The following ANGPTL2 variants were observed in gnomAD, a reference collection of about 807,000 sequenced individuals.
ANGPTL2 encodes angiopoietin like 2.
In ANGPTL2, 25 loss-of-function variants were observed where a neutral mutation model predicts 52.8. The observed-to-expected ratio is 0.47, with a 90% confidence interval of 0.35 to 0.66. The LOEUF is 0.66. ANGPTL2 is among the 30% of genes least tolerant of loss of function. The pLI, the probability that ANGPTL2 is intolerant of heterozygous loss-of-function variation, is 0.01. For synonymous variants in ANGPTL2, 276 were observed against 277.4 expected, an observed-to-expected ratio of 1.00 and a Z score of 0.05; for missense variants, 546 against 656.9, an observed-to-expected ratio of 0.83 and a Z score of 1.84.
chr9:127,115,955 G>A (rs1434649963), intron 1 of ANGPTL2, among the ~76,000 whole-genome samples: 2 of 152,186 alleles, frequency 1.3e-5, no homozygotes, highest in Non-Finnish European at 2.9e-5. Context: ...TCCTGGCTGA[G>A]GATGCTATGA....
At chr9:127,107,813 G>A in intron 2 of ANGPTL2, 102 bp downstream of exon 2, 23 of 1,244,384 alleles carry the variant, frequency 1.8e-5, no homozygotes, top group Non-Finnish European at 1.1e-6. Flanking sequence ...CTTTGGCCTG[G>A]CTTCAACTGG....
intron 1 of ANGPTL2, among the ~76,000 whole-genome samples, chr9:127,119,576 C>T (rs1039350600): frequency 2.6e-5 from 4 of 152,206 alleles, no homozygotes; most frequent in Admixed American, 2.6e-4. Context: ...GATGCTAAAA[C>T]TAGAACCTAC....
At chr9:127,103,220 C>A (rs767872282) in intron 2 of ANGPTL2, among the ~76,000 whole-genome samples, 5 of 152,222 alleles carry the variant, frequency 3.3e-5, no homozygotes, top group Admixed American at 6.5e-5. Context: ...GTATTTCCTA[C>A]CTTATAGGGT....
chr9:127,095,753 T>C (rs2136585649), intron 2 of ANGPTL2, among the ~76,000 whole-genome samples: 1 of 152,354 alleles, frequency 6.6e-6, no homozygotes, highest in South Asian at 2.1e-4. Flanking sequence ...GGCTGGTGTT[T>C]GGGCTCAACT....
Position 127,108,116 on chromosome 9 carries a change from T to G in ANGPTL2, c.616A>C (p.Arg206=). Residue 206 remains arginine (R), a synonymous_variant, in exon 2 of 5, where the codon AGG becomes CGG. Coordinates refer to ENST00000373425, the MANE Select transcript of ANGPTL2 (RefSeq NM_012098.3). ...GGGACGGGCCTGGCCGAGGGCACCC[T>G]CTGGCAGTGCTCCTCAAGCTGCGCG... ...IIAQLEEHCQ[R]VPSARPVPQP... 10 of 1,613,650 alleles carry G rather than the reference T, an allele frequency of 6.2e-6. No homozygotes were observed. The highest frequency in any genetic ancestry group is 8.5e-6 in the Non-Finnish European group (10 of 1,179,774).
chr9:127,106,483 C>T (rs992605635), intron 2 of ANGPTL2, among the ~76,000 whole-genome samples: 7 of 152,210 alleles, frequency 4.6e-5, no homozygotes, highest in African/African-American at 9.6e-5. Flanking sequence ...TGCAGTATTT[C>T]GTTTCCTAAA....
chr9:127,091,193 C>T lies in ANGPTL2; in HGVS notation c.1282+477G>A, dbSNP rs961848842. Among the ~76,000 whole-genome samples the T allele has an allele frequency of 4.6e-5, 7 of 152,224 alleles. No individual in the cohort carries two copies. The highest frequency in any genetic ancestry group is 1.2e-4 in the African/African-American group (5 of 41,466). ...CCCTACTCTGCAATGTAGTTCTTGT[C>T]CTTACTTCCAGATGCAGAAACTGAG... On this transcript the variant is annotated intron_variant, in intron 4 of 4. Coordinates refer to ENST00000373425, the MANE Select transcript of ANGPTL2 (RefSeq NM_012098.3). The surrounding 1 kb of genome is among the most constrained non-coding windows in gnomAD (Gnocchi z 4.3).
At chr9:127,101,218 T>C (rs1264536117) in intron 2 of ANGPTL2, among the ~76,000 whole-genome samples, 1 of 152,262 alleles carries the variant, frequency 6.6e-6, no homozygotes, top group Non-Finnish European at 1.5e-5. Context: ...TCACCTGCCA[T>C]GTGCTTTGCA....
intron 1 of ANGPTL2, among the ~76,000 whole-genome samples, chr9:127,111,484 C>T (rs1047196637): frequency 6.6e-6 from 1 of 152,212 alleles, no homozygotes; most frequent in African/African-American, 2.4e-5. Flanking sequence ...TGACAAGACA[C>T]ACCTGCCAAC....
chr9:127,102,670 G>T (rs1423144027), intron 2 of ANGPTL2, among the ~76,000 whole-genome samples: 1 of 152,154 alleles, frequency 6.6e-6, no homozygotes, highest in Non-Finnish European at 1.5e-5. Flanking sequence ...TTTGTGATCA[G>T]TTCCCCAAGG....
At position 127,091,045 on chromosome 9, in the gene ANGPTL2, C is replaced by T. The variant is rs2052409081; in HGVS notation, c.1282+625G>A. Among the ~76,000 whole-genome samples, 1 of 152,256 alleles carries T rather than the reference C, an allele frequency of 6.6e-6. No individual in the cohort carries two copies. Among genetic ancestry groups the T allele is most frequent in the African/African-American group, 2.4e-5 (1 of 41,468 alleles). On this transcript the variant is annotated intron_variant, in intron 4 of 4. Transcript: ENST00000373425. The surrounding 1 kb of genome is among the most constrained non-coding windows in gnomAD (Gnocchi z 4.3). ...TCTGCTTTCCTCTTAATAGCTTCCT[C>T]TCAGCACTGCACTAGCATTACATGC...
intron 4 of ANGPTL2, among the ~76,000 whole-genome samples, chr9:127,089,952 G>C (rs1260646076): frequency 6.6e-6 from 1 of 152,244 alleles, no homozygotes; most frequent in African/African-American, 2.4e-5. Flanking sequence ...GGCTGCTCCA[G>C]TCAGAATTGT....
chr9:127,100,704 C>A (rs2053634789), intron 2 of ANGPTL2, among the ~76,000 whole-genome samples: 1 of 152,154 alleles, frequency 6.6e-6, no homozygotes, highest in Admixed American at 6.5e-5. Flanking sequence ...TGGTGCTGTC[C>A]TGCAGGCACA....
At chr9:127,121,860 G>T (rs1046003376) in intron 1 of ANGPTL2, among the ~76,000 whole-genome samples, 1 of 152,200 alleles carries the variant, frequency 6.6e-6, no homozygotes, top group Non-Finnish European at 1.5e-5. Context: ...CACAGCGCTT[G>T]CCTTTGCCTC....
At chr9:127,109,982 C>G (rs139431407) in intron 1 of ANGPTL2, among the ~76,000 whole-genome samples, 2 of 152,206 alleles carry the variant, frequency 1.3e-5, no homozygotes, top group African/African-American at 2.4e-5. Flanking sequence ...CAGTCCTCAC[C>G]GTCTCCCCAA....
At chr9:127,121,270 C>G (rs2056055214) in intron 1 of ANGPTL2, among the ~76,000 whole-genome samples, 1 of 152,212 alleles carries the variant, frequency 6.6e-6, no homozygotes, top group South Asian at 2.1e-4. Context: ...GATAAGAAAA[C>G]TGAGGTTTAG....
At chr9:127,096,905 G>C (rs7863643) in intron 2 of ANGPTL2, among the ~76,000 whole-genome samples, 1 of 152,194 alleles carries the variant, frequency 6.6e-6, no homozygotes. Flanking sequence ...ACTCCTGTGA[G>C]GTAGGAAAGC....
At position 127,087,554 on chromosome 9, in the gene ANGPTL2, A is replaced by G. The variant is rs2051909910; in HGVS notation, c.*1385T>C. ...AGCCTGGCCCACGTGCCCACCGGGAAGGGTCTCACCTTCTTGACTCATCCC... is the reference window on the plus strand; with the variant it reads ...AGCCTGGCCCACGTGCCCACCGGGAGGGGTCTCACCTTCTTGACTCATCCC... On this transcript the variant is annotated 3_prime_UTR_variant, in exon 5 of 5. Transcript: ENST00000373425. 6.6e-6 allele frequency: 1 copy of G among 152,602 alleles called. No individual in the cohort carries two copies. The highest frequency in any genetic ancestry group is 6.5e-5 in the Admixed American group (1 of 15,278). The allele number at this position is 152,602 out of a possible 1,614,324, so 9.5% of individuals were successfully genotyped here.
At chr9:127,121,934 C>T (rs1285398174) in intron 1 of ANGPTL2, among the ~76,000 whole-genome samples, 1 of 152,224 alleles carries the variant, frequency 6.6e-6, no homozygotes, top group African/African-American at 2.4e-5. Flanking sequence ...AGTCCTTGGG[C>T]CACCCCTGCC....
Sources: allele counts gnomAD v4.1 joint callset (sites outside exome capture counted in the v4.1 genomes callset), GRCh38; gene constraint gnomAD v4.1.1; non-coding constraint Gnocchi (gnomAD v3.1); transcripts MANE v1.5; gene names NCBI Gene and HGNC (gene_info 2026-07-23, HGNC 2026-07-21).